Variants in SERINC5 observed in about 807,000 individuals in gnomAD.
SERINC5 encodes the protein serine incorporator 5.
SERINC5 carries 41 observed loss-of-function variants against 63.1 expected under a neutral mutation model. The ratio of observed to expected loss-of-function variants is 0.65; its 90% CI spans 0.51 to 0.84. The LOEUF (loss-of-function observed/expected upper bound fraction) is 0.84. Ranked by LOEUF, SERINC5 falls within the 40% of genes least tolerant of loss-of-function variation. The probability of loss-of-function intolerance (pLI) is 0.00; values close to 1 mark genes in which losing one functional copy is unlikely to be tolerated. For missense variants in SERINC5, 523 were observed against 573.0 expected, an observed-to-expected ratio of 0.91 and a Z score of 0.89; for synonymous variants, 222 against 215.2, an observed-to-expected ratio of 1.03 and a Z score of -0.28.
At position 80,138,848 on chromosome 5, in the gene SERINC5, A is replaced by C. The variant is rs1259223107; in HGVS notation, c.*4815T>G. Reference sequence around the variant, plus strand: ...TCTCTGCAAAACAACTAACTTGAGTACTTTAATTATATATGTATCTAGCAG... The same window carrying C: ...TCTCTGCAAAACAACTAACTTGAGTCCTTTAATTATATATGTATCTAGCAG... On this transcript the variant is annotated 3_prime_UTR_variant, in exon 12 of 12. Transcript: ENST00000507668. 14 of 982,018 alleles carry C rather than the reference A, an allele frequency of 1.4e-5. No homozygotes were observed. The highest frequency in any genetic ancestry group is 1.7e-5 in the Non-Finnish European group (14 of 826,960). 60.8% of individuals were successfully genotyped at this position (982,018 alleles called of 1,614,324 possible).
In SERINC5 at chr5:80,229,295, A is replaced by G. The variant is rs180817774; in HGVS notation, c.28-26242T>C. Among the ~76,000 whole-genome samples, 6 of 150,910 alleles carry G rather than the reference A, an allele frequency of 4.0e-5. No homozygotes were observed. In the South Asian group the frequency reaches 1.1e-3, roughly 26 times the overall value. The stretch of plus-strand genomic sequence containing the variant: ...TGCCTTGGTCTCCCAAAGTGCTGGG[A>G]TCACAGGGGTGAGCCACCATTCCTG... On this transcript the variant is annotated intron_variant, in intron 1 of 11. Transcript: ENST00000507668.
At chr5:80,245,234 G>A (rs1451757986) in intron 1 of SERINC5, among the ~76,000 whole-genome samples, 1 of 152,120 alleles carries the variant, frequency 6.6e-6, no homozygotes, top group African/African-American at 2.4e-5. Flanking sequence ...GAAATGATGG[G>A]GACTTTCTTC....
intron 1 of SERINC5, among the ~76,000 whole-genome samples, chr5:80,207,251 C>A (rs1448044365): frequency 6.6e-6 from 1 of 152,164 alleles, no homozygotes; most frequent in Non-Finnish European, 1.5e-5. Context: ...GCCGTCTCGG[C>A]CTCCCATAAA....
At chr5:80,137,146 AAAAAAAAAAAAAAAAAAC>A (rs1473332817), downstream of SERINC5, among the ~76,000 whole-genome samples, 3 of 120,926 alleles carry the variant, frequency 2.5e-5, no homozygotes, top group Non-Finnish European at 5.4e-5. Context: ...TCTCAAAAAA[AAAAAAAAAAAAAAAAAAC>A]AAAAAAAACA....
chr5:80,202,796 G>T, intron 2 of SERINC5, 90 bp downstream of exon 2: 1 of 1,309,330 alleles, frequency 7.6e-7, no homozygotes, highest in Non-Finnish European at 1.1e-6. Flanking sequence ...ACACATGGGG[G>T]TACATGGACC....
In SERINC5 at chr5:80,179,313, A is replaced by G. The variant is rs540296602; in HGVS notation, c.196-1249T>C. ...GACTCTGTCCCAAAAAAAGAAAACA[A>G]AAATAAACAATAAGCCATGAAGAGT... On this transcript the variant is annotated intron_variant, in intron 2 of 11. Transcript: ENST00000507668. 2.6e-5 allele frequency among the ~76,000 whole-genome samples: 4 copies of G among 152,312 alleles called. No individual in the cohort carries two copies. The South Asian group carries it at 8.3e-4, about 32-fold the overall frequency.
intron 2 of SERINC5, among the ~76,000 whole-genome samples, chr5:80,196,627 C>CCAACTGA (rs1749514357): frequency 6.6e-6 from 1 of 152,132 alleles, no homozygotes; most frequent in Non-Finnish European, 1.5e-5. Flanking sequence ...TACAAACAAT[C>CCAACTGA]CAAATGTCCA....
downstream of SERINC5, among the ~76,000 whole-genome samples, chr5:80,133,854 G>A (rs753562776): frequency 2.9e-4 from 44 of 152,198 alleles, no homozygotes; most frequent in Non-Finnish European, 5.9e-4. Flanking sequence ...TCAGAAAGTG[G>A]GGACTACTGA....
At chr5:80,143,944 C>A in intron 11 of SERINC5, 134 bp from the exon 12 acceptor site, 4 of 1,054,214 alleles carry the variant, frequency 3.8e-6, no homozygotes, top group Non-Finnish European at 5.4e-6. Context: ...CTACCATCAA[C>A]ACTACCCATT....
At chr5:80,236,379 T>G (rs1338856783) in intron 1 of SERINC5, among the ~76,000 whole-genome samples, 1 of 152,158 alleles carries the variant, frequency 6.6e-6, no homozygotes, top group Non-Finnish European at 1.5e-5. Flanking sequence ...GAACTGGCTC[T>G]TAACTTCTCA....
Position 80,139,531 on chromosome 5 carries a change from A to G in SERINC5, c.*4132T>C, listed in dbSNP as rs1745374165. ...TTAAGGAAAAAAAAAGCTCTTTGGT[A>G]AAGGCCAAATATTTCAACCTTTCAA... On this transcript the variant is annotated 3_prime_UTR_variant, in exon 12 of 12. Transcript: ENST00000507668. 1.0e-6 allele frequency: 1 copy of G among 985,224 alleles called. No individual in the cohort carries two copies. Among genetic ancestry groups the G allele is most frequent in the South Asian group, 4.7e-5 (1 of 21,284 alleles). The allele number at this position is 985,224 out of a possible 1,614,324, so 61.0% of individuals were successfully genotyped here. A position where few individuals can be genotyped will look rare whatever the true frequency, so the allele number is the denominator to read the frequency against.
downstream of SERINC5, among the ~76,000 whole-genome samples, chr5:80,136,764 C>A (rs1745193578): frequency 6.6e-6 from 1 of 152,110 alleles, no homozygotes; most frequent in East Asian, 1.9e-4. Flanking sequence ...AAGAAAACAA[C>A]CCACTTAAAA....
rs960999317 is a variant in SERINC5, at chr5:80,147,396, G to A, written c.1054-112C>T. 1.5e-5 allele frequency: 17 copies of A among 1,098,230 alleles called. No individual in the cohort carries two copies. In the African/African-American group the frequency reaches 3.4e-4, roughly 22 times the overall value. The allele number at this position is 1,098,230 out of a possible 1,614,324, so 68.0% of individuals were successfully genotyped here. On this transcript the variant is annotated intron_variant, in intron 9 of 11. Transcript: ENST00000507668. ...CCTCCCAGGCCCTTCAAAAGATGTG[G>A]ACTGTTCTTTCCCAGGTGTGCTGGG...
intron 5 of SERINC5, among the ~76,000 whole-genome samples, chr5:80,170,884 G>A (rs1041218666): frequency 3.9e-5 from 6 of 152,180 alleles, no homozygotes; most frequent in African/African-American, 1.4e-4. Flanking sequence ...GTGCAAACTT[G>A]TAGTCCCAGC....
At chr5:80,199,113 G>A (rs549845650) in intron 2 of SERINC5, among the ~76,000 whole-genome samples, 13 of 152,190 alleles carry the variant, frequency 8.5e-5, no homozygotes, top group African/African-American at 3.1e-4. Context: ...CTTCACCTTG[G>A]CACTACAATT....
intron 1 of SERINC5, among the ~76,000 whole-genome samples, chr5:80,217,697 T>C (rs1408303383): frequency 6.6e-6 from 1 of 152,204 alleles, no homozygotes; most frequent in Non-Finnish European, 1.5e-5. Flanking sequence ...GTACTGGTTC[T>C]AGGAGTTGGT....
intron 2 of SERINC5, among the ~76,000 whole-genome samples, chr5:80,200,187 T>C (rs1749740490): frequency 6.6e-6 from 1 of 151,938 alleles, no homozygotes; most frequent in Admixed American, 6.6e-5. Flanking sequence ...TAGAAGACTT[T>C]ATAACTTTGG....
At chr5:80,247,925 G>A (rs1372236582) in intron 1 of SERINC5, among the ~76,000 whole-genome samples, 2 of 152,154 alleles carry the variant, frequency 1.3e-5, no homozygotes, top group East Asian at 3.9e-4. Flanking sequence ...ATGGCTCACT[G>A]CAGCCTCGAC....
chr5:80,143,930 T>C, intron 11 of SERINC5, 120 bp from the exon 12 acceptor site: 1 of 1,187,748 alleles, frequency 8.4e-7, no homozygotes, highest in Non-Finnish European at 1.2e-6. Context: ...TACACAGACT[T>C]GTGCTACCAT....
Sources: gnomAD v4.1 joint callset for allele counts (sites outside exome capture counted in the v4.1 genomes callset) on GRCh38, gnomAD v4.1.1 for gene constraint, MANE v1.5 for transcripts, NCBI Gene and HGNC (gene_info 2026-07-23, HGNC 2026-07-21) for gene names.